The following CLCN4 variants were observed in gnomAD, a reference collection of about 807,000 sequenced individuals.
CLCN4 encodes H(+)/Cl(-) exchange transporter 4.
In CLCN4, 1 loss-of-function variant was observed where a neutral mutation model predicts 41.7. That is an observed-to-expected ratio of 0.02 (90% CI 0.01 to 0.11). The LOEUF is 0.11. CLCN4 is among the 10% of genes least tolerant of loss of function. The pLI, the probability that CLCN4 is intolerant of heterozygous loss-of-function variation, is 1.00. For missense variants in CLCN4, 287 were observed against 661.0 expected (o/e 0.43, Z 6.20); for synonymous variants, 277 against 285.8 (o/e 0.97, Z 0.31).
chrX:10,204,385 A>G (rs1429062848), intron 6 of CLCN4, among the ~76,000 whole-genome samples: 1 of 111,968 alleles, frequency 8.9e-6, no homozygotes, highest in African/African-American at 3.2e-5. Flanking sequence ...CATCCCCCAA[A>G]CATATATCAT....
At chrX:10,168,113 G>A (rs1923294531) in intron 2 of CLCN4, among the ~76,000 whole-genome samples, 1 of 112,232 alleles carries the variant, frequency 8.9e-6, no homozygotes, top group African/African-American at 3.2e-5. Flanking sequence ...TATTGAGGAT[G>A]AGTTTGGATA....
chrX:10,193,383 G>A (rs1924017899), intron 4 of CLCN4, among the ~76,000 whole-genome samples: 1 of 112,212 alleles, frequency 8.9e-6, no homozygotes, highest in East Asian at 2.8e-4. Context: ...TATGAATAAG[G>A]TTGCCAGGGT....
chrX:10,180,417 G>T (rs1259122690), intron 2 of CLCN4, among the ~76,000 whole-genome samples: 1 of 111,243 alleles, frequency 9.0e-6, no homozygotes, highest in Non-Finnish European at 1.9e-5. Context: ...TACAGCTTCT[G>T]CCGGGTCTCT....
chrX:10,225,660 C>A (rs1399775310), intron 12 of CLCN4, among the ~76,000 whole-genome samples: 1 of 112,198 alleles, frequency 8.9e-6, no homozygotes, highest in African/African-American at 3.2e-5. Context: ...GTTATGAAAT[C>A]TTTGCCCATG....
chrX:10,223,835 A>G (rs1924917389), intron 12 of CLCN4, among the ~76,000 whole-genome samples: 1 of 112,140 alleles, frequency 8.9e-6, no homozygotes, highest in African/African-American at 3.2e-5. Context: ...GGTGGTCCAC[A>G]GGGGCCTGGA....
intron 6 of CLCN4, among the ~76,000 whole-genome samples, chrX:10,203,332 A>T (rs1367798565): frequency 8.9e-6 from 1 of 111,801 alleles, no homozygotes; most frequent in Non-Finnish European, 1.9e-5. Flanking sequence ...GGCTCAATTA[A>T]GCTAACTACC....
chrX:10,204,954 G>A (rs1924340633), intron 6 of CLCN4, among the ~76,000 whole-genome samples: 1 of 111,194 alleles, frequency 9.0e-6, no homozygotes, highest in African/African-American at 3.3e-5. Context: ...GAATACTTAT[G>A]TGCTGAATTG....
chrX:10,224,937 G>A (rs1451166671), intron 12 of CLCN4, among the ~76,000 whole-genome samples: 3 of 111,952 alleles, frequency 2.7e-5, no homozygotes, highest in Non-Finnish European at 5.6e-5. Context: ...CCTTTTTATG[G>A]CTGCATCGTA....
chrX:10,206,840 CAAA>C (rs1419505385), intron 8 of CLCN4, 64 bp downstream of exon 8: 5 of 783,721 alleles, frequency 6.4e-6, no homozygotes, highest in Middle Eastern at 3.8e-4. Context: ...GGGTTAGAAT[CAAA>C]GAAGTATTGG....
intron 11 of CLCN4, among the ~76,000 whole-genome samples, chrX:10,214,489 G>A (rs1924654855): frequency 8.9e-6 from 1 of 112,836 alleles, no homozygotes; most frequent in East Asian, 2.8e-4. Context: ...GGAGTGGCCC[G>A]GGCTGAGCTG....
At chrX:10,204,825 G>A (rs933345010) in intron 6 of CLCN4, among the ~76,000 whole-genome samples, 1 of 109,277 alleles carries the variant, frequency 9.2e-6, no homozygotes. Flanking sequence ...CTGGGCCTGC[G>A]AATTAAATTG....
In CLCN4 at chrX:10,220,765, C is replaced by T. The variant is rs774722248; in HGVS notation, c.2080C>T (p.Arg694Trp). The change falls in exon 12 of 13, where the codon CGG becomes TGG. Residue 694 changes from arginine (R) to tryptophan (W), a missense_variant. Around this residue, in one of 6 missense-constraint regions of CLCN4, gnomAD observed 71 missense variants for 104.5 expected, o/e 0.68. Transcript: ENST00000380833. ...PANSPHPLKL[R>W]RILNLSPFTV... The stretch of plus-strand genomic sequence containing the variant: ...CAACAGCCCACATCCCCTGAAGCTG[C>T]GGCGCATCCTGAACCTCAGCCCGTT... The T allele has an allele frequency of 5.8e-6, 7 of 1,210,985 alleles. No individual in the cohort carries two copies. Among genetic ancestry groups the T allele is most frequent in the Non-Finnish European group, 3.4e-6 (3 of 894,664 alleles).
At chrX:10,217,089 G>A (rs188859187) in intron 11 of CLCN4, among the ~76,000 whole-genome samples, 1 of 105,067 alleles carries the variant, frequency 9.5e-6, no homozygotes, top group Admixed American at 1.0e-4. Context: ...AATTATATCT[G>A]TCTTATGGAC....
At chrX:10,224,380 A>G (rs1203978954) in intron 12 of CLCN4, among the ~76,000 whole-genome samples, 1 of 106,068 alleles carries the variant, frequency 9.4e-6, no homozygotes, top group Non-Finnish European at 1.9e-5. Flanking sequence ...GCAAACACTA[A>G]CAAGTCTTAT....
chrX:10,173,249 G>A (rs1923427293), intron 2 of CLCN4, among the ~76,000 whole-genome samples: 1 of 111,381 alleles, frequency 9.0e-6, no homozygotes, highest in Admixed American at 9.5e-5. Context: ...CCACACCCCA[G>A]CTCTCCAGGA....
chrX:10,165,791 C>T (rs937625733), intron 2 of CLCN4, among the ~76,000 whole-genome samples: 8 of 112,118 alleles, frequency 7.1e-5, no homozygotes, highest in Non-Finnish European at 1.3e-4. Context: ...GATTGTTCCT[C>T]TTAGCTTAGT....
intron 2 of CLCN4, among the ~76,000 whole-genome samples, chrX:10,170,158 G>T (rs1326958495): frequency 8.9e-6 from 1 of 112,053 alleles, no homozygotes; most frequent in Non-Finnish European, 1.9e-5. Flanking sequence ...ACTTGATAGG[G>T]TTTTATATCT....
intron 2 of CLCN4, among the ~76,000 whole-genome samples, chrX:10,176,214 G>T (rs1799144649): frequency 8.9e-6 from 1 of 112,442 alleles, no homozygotes; most frequent in African/African-American, 3.2e-5. Context: ...TGTGCTGGTA[G>T]CTCTGGTGCC....
intron 11 of CLCN4, among the ~76,000 whole-genome samples, chrX:10,216,918 T>TATATACACACACAC (rs773265490): frequency 0.04 from 1,559 of 38,875 alleles, 137 homozygotes; most frequent in African/African-American, 0.15. Context: ...TATATATATA[T>TATATACACACACAC]ACACACACAC....
Sources: allele counts gnomAD v4.1 joint callset (sites outside exome capture counted in the v4.1 genomes callset), GRCh38; gene constraint gnomAD v4.1.1; regional missense constraint gnomAD v4.1.1; transcripts MANE v1.5; gene names NCBI Gene and HGNC (gene_info 2026-07-23, HGNC 2026-07-21).